The following MPDZ variants were observed in gnomAD, a reference collection of about 807,000 sequenced individuals.
The protein encoded by MPDZ is multiple PDZ domain protein.
MPDZ carries 234 observed loss-of-function variants against 239.1 expected under a neutral mutation model. The observed-to-expected ratio is 0.98, with a 90% CI of 0.88 to 1.09. The LOEUF is 1.09. Ranked by LOEUF, MPDZ falls within the 50% of genes least tolerant of loss-of-function variation. The probability of loss-of-function intolerance (pLI) is 0.00; values close to 1 mark genes in which losing one functional copy is unlikely to be tolerated. For missense variants in MPDZ, 3,175 were observed against 2,510.0 expected (o/e 1.26, Z -5.66); for synonymous variants, 1,048 against 881.3 (o/e 1.19, Z -3.35).
At position 13,168,502 on chromosome 9, in the gene MPDZ, C is replaced by G. The variant is rs764160645; in HGVS notation, c.3118G>C (p.Gly1040Arg). 3.1e-6 allele frequency: 5 copies of G among 1,613,360 alleles called. No individual in the cohort carries two copies. Among genetic ancestry groups the G allele is most frequent in the Non-Finnish European group, 4.2e-6 (5 of 1,179,554 alleles). The change falls in exon 22 of 47, where the codon GGT becomes CGT. Residue 1040 changes from glycine (G) to arginine (R), a missense_variant. Coordinates refer to ENST00000319217, the MANE Select transcript of MPDZ (RefSeq NM_001378778.1). ...ATCCGGCCATCTCGACTAATGGCAC[C>G]TCCATGAATAATGCTTCGAACGATC... ...GMIVRSIIHG[G>R]AISRDGRIAI...
chr9:13,198,930 G>A (rs890308577), intron 12 of MPDZ, among the ~76,000 whole-genome samples: 2 of 151,844 alleles, frequency 1.3e-5, no homozygotes, highest in Admixed American at 6.6e-5. Context: ...TTTGTGTGAA[G>A]AATGTCATTG....
At chr9:13,127,770 G>A (rs1055209471) in intron 32 of MPDZ, among the ~76,000 whole-genome samples, 9 of 152,144 alleles carry the variant, frequency 5.9e-5, no homozygotes. Flanking sequence ...TCTCTTTCCA[G>A]GCAATCAGTC....
At chr9:13,109,284 T>C (rs1223123248) in intron 45 of MPDZ, among the ~76,000 whole-genome samples, 1 of 152,136 alleles carries the variant, frequency 6.6e-6, no homozygotes, top group African/African-American at 2.4e-5. Context: ...CCTAATTCTA[T>C]TACTCATTTA....
chr9:13,126,584 G>A lies in MPDZ; in HGVS notation c.4564C>T (p.Arg1522Ter), dbSNP rs372104310. ...AGTATCTGATCTCCGACTTTGAGTC[G>A]TCCATCCTAAATGGAAACGTAGAAG... ...TEHGVAATDG[R>*]LKVGDQILAV... Residue 1522 changes from arginine to a stop codon, truncating the protein, a stop_gained, in exon 34 of 47, where the codon CGA (arginine) becomes TGA (stop). Coordinates refer to ENST00000319217, the MANE Select transcript of MPDZ (RefSeq NM_001378778.1). LOFTEE classifies it high-confidence loss of function. The A allele has an allele frequency of 5.6e-6, 9 of 1,601,622 alleles. No homozygotes were observed. The highest frequency in any genetic ancestry group is 1.1e-5 in the South Asian group (1 of 89,206).
chr9:13,210,585 T>G (rs1048737168), intron 10 of MPDZ, among the ~76,000 whole-genome samples: 4 of 152,074 alleles, frequency 2.6e-5, no homozygotes, highest in Non-Finnish European at 4.4e-5. Context: ...GCTTTGACAG[T>G]GGAGCCAGAG....
intron 12 of MPDZ, among the ~76,000 whole-genome samples, chr9:13,200,349 G>A (rs763200761): frequency 6.6e-5 from 10 of 151,780 alleles, no homozygotes; most frequent in East Asian, 5.8e-4. Flanking sequence ...TTACTATGGC[G>A]AAAGACTTGA....
intron 32 of MPDZ, among the ~76,000 whole-genome samples, chr9:13,131,881 G>A (rs1392665623): frequency 6.6e-6 from 1 of 152,102 alleles, no homozygotes; most frequent in Non-Finnish European, 1.5e-5. Flanking sequence ...TGGAACAAAT[G>A]GCTTGCCTAT....
At chr9:13,167,654 T>C (rs994449968) in intron 22 of MPDZ, among the ~76,000 whole-genome samples, 16 of 152,138 alleles carry the variant, frequency 1.1e-4, no homozygotes, top group Admixed American at 9.8e-4. Flanking sequence ...AAAACAAATA[T>C]TCAATGATTA....
intron 3 of MPDZ, among the ~76,000 whole-genome samples, chr9:13,236,994 GA>G (rs1331651281): frequency 6.6e-6 from 1 of 151,796 alleles, no homozygotes; most frequent in Non-Finnish European, 1.5e-5. Context: ...AAGATACGCT[GA>G]AAAAAAGACT....
intron 15 of MPDZ, among the ~76,000 whole-genome samples, chr9:13,190,595 A>C (rs1954773470): frequency 6.6e-6 from 1 of 152,174 alleles, no homozygotes; most frequent in African/African-American, 2.4e-5. Flanking sequence ...CACTTTTTTC[A>C]TCAGTGTTTC....
chr9:13,113,246 G>C (rs1044904217), intron 41 of MPDZ, among the ~76,000 whole-genome samples, 192 bp from the exon 42 acceptor site: 4 of 151,994 alleles, frequency 2.6e-5, no homozygotes, highest in Non-Finnish European at 5.9e-5. Flanking sequence ...TTGGAAAAAC[G>C]TGTATACCAT....
In MPDZ at chr9:13,170,206, T is replaced by C. The variant is rs960863691; in HGVS notation, c.3056-1642A>G. On this transcript the variant is annotated intron_variant, in intron 21 of 46. Transcript: ENST00000319217. The stretch of plus-strand genomic sequence containing the variant: ...AAATTCCTTTTTAGGTTTTTATATA[T>C]TTAAAAAATGATGTCTTTCCAAATA... Among the ~76,000 whole-genome samples the C allele has an allele frequency of 6.6e-5, 10 of 152,210 alleles. No homozygotes were observed. The South Asian group carries it at 1.9e-3, about 28-fold the overall frequency.
chr9:13,190,862 T>C (rs1954822655), intron 15 of MPDZ, among the ~76,000 whole-genome samples: 1 of 152,166 alleles, frequency 6.6e-6, no homozygotes, highest in African/African-American at 2.4e-5. Flanking sequence ...TTGAATTACA[T>C]TGAGCAATAT....
intron 2 of MPDZ, among the ~76,000 whole-genome samples, chr9:13,249,008 A>AAAAAAAC (rs1279043046): frequency 1.8e-4 from 23 of 125,348 alleles, no homozygotes; most frequent in South Asian, 5.3e-4. Flanking sequence ...AAAAAAAAAA[A>AAAAAAAC]ATTGGAATCA....
intron 31 of MPDZ, chr9:13,135,880 T>C (rs1946664279): frequency 2.6e-6 from 1 of 384,058 alleles, no homozygotes; most frequent in South Asian, 8.6e-5. Context: ...ACCCTCACTA[T>C]TCCCTAGGCA....
In MPDZ at chr9:13,232,660, T is replaced by A. The variant is rs957855077; in HGVS notation, c.184-8077A>T. Among the ~76,000 whole-genome samples, 15 of 151,188 alleles carry A rather than the reference T, an allele frequency of 9.9e-5. No individual in the cohort carries two copies. The East Asian group carries it at 1.7e-3, about 18-fold the overall frequency. On this transcript the variant is annotated intron_variant, in intron 3 of 46. Transcript: ENST00000319217. ...AAAGCAATACCCACAAAGAAAAAAA[T>A]TTATTTTTAAAATTTAAAATTTGTT...
chr9:13,161,838 T>G lies in MPDZ; in HGVS notation c.3359+853A>C, dbSNP rs573459869. Reference sequence around the variant, plus strand: ...TCCTAAGAAAAAAGAAAACGTTCCCTTTATTATTTAAAGGCTCTTAATACT... The same window carrying G: ...TCCTAAGAAAAAAGAAAACGTTCCCGTTATTATTTAAAGGCTCTTAATACT... On this transcript the variant is annotated intron_variant, in intron 23 of 46. Coordinates refer to ENST00000319217, the MANE Select transcript of MPDZ (RefSeq NM_001378778.1). Among the ~76,000 whole-genome samples the G allele has an allele frequency of 5.3e-5, 8 of 152,280 alleles. No homozygotes were observed. In the East Asian group the frequency reaches 1.4e-3, roughly 26 times the overall value.
intron 1 of MPDZ, 131 bp downstream of exon 1, chr9:13,279,269 A>G (rs979545084): frequency 0.011 from 319 of 29,680 alleles, 14 homozygotes; most frequent in African/African-American, 0.022. Flanking sequence ...CCCCACCCCC[A>G]CCCCCATCCC....
intron 3 of MPDZ, among the ~76,000 whole-genome samples, chr9:13,244,172 A>G (rs541048936): frequency 5.3e-5 from 8 of 152,228 alleles, no homozygotes; most frequent in Non-Finnish European, 1.2e-4. Context: ...AGGCAACGCA[A>G]TTAATTAATC....
Sources: gnomAD v4.1 joint callset for allele counts (sites outside exome capture counted in the v4.1 genomes callset) on GRCh38, gnomAD v4.1.1 for gene constraint, MANE v1.5 for transcripts, NCBI Gene and HGNC (gene_info 2026-07-23, HGNC 2026-07-21) for gene names.